The following LARP1 variants were observed in gnomAD, a reference collection of about 807,000 sequenced individuals.
LARP1 encodes the protein La ribonucleoprotein 1, translational regulator.
A neutral mutation model predicts 122.7 loss-of-function variants in LARP1; 36 were observed. The observed-to-expected ratio is 0.29, with a 90% CI of 0.22 to 0.39. The LOEUF (loss-of-function observed/expected upper bound fraction) is 0.39, where lower values mean the gene tolerates loss of function less well. Ranked by LOEUF, LARP1 falls within the 10% of genes least tolerant of loss-of-function variation. The pLI, the probability that LARP1 is intolerant of heterozygous loss-of-function variation, is 1.00. For missense variants in LARP1, 1,040 were observed against 1,403.6 expected (o/e 0.74, Z 4.14); for synonymous variants, 539 against 528.7 (o/e 1.02, Z -0.27).
At chr5:154,807,199 A>G (rs573161410) in intron 15 of LARP1, among the ~76,000 whole-genome samples, 4 of 152,198 alleles carry the variant, frequency 2.6e-5, no homozygotes, top group African/African-American at 7.2e-5. Flanking sequence ...ATCATATTCC[A>G]TCGTATGGAT....
intron 2 of LARP1, 64 bp downstream of exon 2, chr5:154,790,450 A>C (rs1757251847): frequency 2.7e-6 from 4 of 1,488,242 alleles, no homozygotes; most frequent in Non-Finnish European, 2.8e-6. Context: ...TTCCTGTTTT[A>C]GTGAATGCTC....
At chr5:154,784,817 TG>T (rs1010059884) in intron 1 of LARP1, among the ~76,000 whole-genome samples, 1 of 152,242 alleles carries the variant, frequency 6.6e-6, no homozygotes, top group African/African-American at 2.4e-5. Flanking sequence ...GGGTAGTTTT[TG>T]TTTCAAAGGT....
Position 154,803,348 on chromosome 5 carries a change from T to G in LARP1, c.2168T>G (p.Leu723Arg), listed in dbSNP as rs1351634557. The G allele has an allele frequency of 1.2e-6, 2 of 1,614,078 alleles. No individual in the cohort carries two copies. Among genetic ancestry groups the G allele is most frequent in the Non-Finnish European group, 8.5e-7 (1 of 1,180,048 alleles). ...NMISREQFDTLTPEPPVDPNQ... is the reference protein window; with the variant it reads ...NMISREQFDTRTPEPPVDPNQ... ...ATCAGCCGGGAGCAGTTTGACACAC[T>G]GACCCCTGAGCCCCCTGTGGATCCC... The change falls in exon 12 of 19, where the codon CTG becomes CGG. Residue 723 changes from leucine to arginine, a missense_variant. Physicochemically the swap from Leu to Arg is moderately radical, Grantham distance 102. Transcript: ENST00000518297. This position sits in a 1 kb window ranked among gnomAD's most constrained non-coding sequence, Gnocchi z 4.4.
chr5:154,816,262 CTCCTT>C lies in LARP1; in HGVS notation c.*2174_*2178del, dbSNP rs1455516835. 3.2e-4 allele frequency: 49 copies of C among 153,688 alleles called. No homozygotes were observed. The highest frequency in any genetic ancestry group is 5.8e-5 in the Non-Finnish European group (4 of 68,788). 9.5% of individuals were successfully genotyped at this position (153,688 alleles called of 1,614,324 possible). A position where few individuals can be genotyped will look rare whatever the true frequency, so the allele number is the denominator to read the frequency against. Reference sequence around the variant, plus strand: ...GGACACTGGATTCCTGGACCCCCTTCTCCTTTCCTTTCTTTCCTTCAGGTCACGCA... The same window carrying C: ...GGACACTGGATTCCTGGACCCCCTTCTCCTTTCTTTCCTTCAGGTCACGCA... On this transcript the variant is annotated 3_prime_UTR_variant, in exon 19 of 19. Coordinates refer to ENST00000518297, the MANE Select transcript of LARP1 (RefSeq NM_033551.3).
chr5:154,705,402 C>T (rs886676801), intron 1 of LARP1, among the ~76,000 whole-genome samples: 1 of 151,966 alleles, frequency 6.6e-6, no homozygotes, highest in African/African-American at 2.4e-5. Flanking sequence ...GATGGAGTCT[C>T]GCTCTGTCAC....
upstream of LARP1, among the ~76,000 whole-genome samples, chr5:154,712,036 C>G (rs1755245770): frequency 6.6e-6 from 1 of 152,180 alleles, no homozygotes; most frequent in Admixed American, 6.5e-5. Context: ...TCTAGATCCC[C>G]TCTCTCCAGA....
chr5:154,800,292 A>T (rs1163267696), intron 10 of LARP1, among the ~76,000 whole-genome samples: 1 of 152,184 alleles, frequency 6.6e-6, no homozygotes, highest in Non-Finnish European at 1.5e-5. Context: ...ATTTTTCTTA[A>T]GGGATCATGC....
chr5:154,801,168 CAT>C (rs1264473376), intron 10 of LARP1, among the ~76,000 whole-genome samples: 1 of 152,250 alleles, frequency 6.6e-6, no homozygotes, highest in Non-Finnish European at 1.5e-5. Context: ...CTCAGCGTCT[CAT>C]ATTCAGTCTA....
intron 1 of LARP1, among the ~76,000 whole-genome samples, chr5:154,774,476 G>A (rs1021322717): frequency 1.1e-4 from 17 of 152,184 alleles, no homozygotes; most frequent in Admixed American, 7.9e-4. Context: ...GCTCAAGATG[G>A]CATTTGCCAG....
chr5:154,770,035 T>G (rs909025066), intron 1 of LARP1, among the ~76,000 whole-genome samples: 1 of 152,110 alleles, frequency 6.6e-6, no homozygotes, highest in Non-Finnish European at 1.5e-5. Context: ...GGAGTCTGGA[T>G]CCTGTTCTGA....
intron 1 of LARP1, among the ~76,000 whole-genome samples, chr5:154,740,456 A>G (rs1276101366): frequency 6.6e-6 from 1 of 152,066 alleles, no homozygotes; most frequent in Non-Finnish European, 1.5e-5. Flanking sequence ...GGCAGTTAAC[A>G]GTAATCTACA....
chr5:154,767,318 GTTC>G (rs1755033746), intron 1 of LARP1, among the ~76,000 whole-genome samples: 1 of 152,198 alleles, frequency 6.6e-6, no homozygotes, highest in African/African-American at 2.4e-5. Flanking sequence ...AATGTTGAAT[GTTC>G]TTCTTTTGAG....
intron 8 of LARP1, among the ~76,000 whole-genome samples, chr5:154,797,276 C>T (rs1392911206): frequency 8.0e-6 from 1 of 124,738 alleles, no homozygotes; most frequent in African/African-American, 3.1e-5. Context: ...TCTTGTTGCC[C>T]AGGCTGGAGT....
At chr5:154,789,602 G>A (rs1757183675) in intron 1 of LARP1, among the ~76,000 whole-genome samples, 1 of 152,156 alleles carries the variant, frequency 6.6e-6, no homozygotes, top group African/African-American at 2.4e-5. Context: ...TCTAAAAATG[G>A]ATGAACTTTA....
chr5:154,795,467 T>G, intron 8 of LARP1, 148 bp downstream of exon 8: 2 of 699,684 alleles, frequency 2.9e-6, no homozygotes, highest in Non-Finnish European at 4.6e-6. Context: ...CTCCTCTCCC[T>G]CCTTCCTTCC....
chr5:154,686,130 C>T (rs1350032505), intron 1 of LARP1, among the ~76,000 whole-genome samples: 2 of 152,202 alleles, frequency 1.3e-5, no homozygotes, highest in Admixed American at 6.5e-5. Flanking sequence ...ACGGTTCCTG[C>T]ACCATAGCAG....
rs1011834306 is a variant in LARP1, at chr5:154,756,014, G to T, written c.257G>T (p.Gly86Val). 4.9e-6 allele frequency: 5 copies of T among 1,030,868 alleles called. No individual in the cohort carries two copies. The Admixed American group carries it at 1.8e-4, about 38-fold the overall frequency. 63.9% of individuals were successfully genotyped at this position (1,030,868 alleles called of 1,614,324 possible). A position where few individuals can be genotyped will look rare whatever the true frequency, so the allele number is the denominator to read the frequency against. The change falls in exon 1 of 19, where the codon GGC (glycine) becomes GTC (valine). Residue 86 changes from glycine to valine, a missense_variant. Gly to Val is a moderately radical substitution (Grantham distance 109). Around this residue, in one of 8 missense-constraint regions of LARP1, gnomAD observed 257 missense variants for 273.3 expected, o/e 0.94. Coordinates refer to ENST00000518297, the MANE Select transcript of LARP1 (RefSeq NM_033551.3). ...CCGCTGCAGCTGCCCGGCGCCGAAG[G>T]CCCGGCCATCAGCGACGGGGAGGAG... is the stretch of plus-strand genomic sequence containing the variant. Reference protein sequence around the residue: ...PRPLQLPGAEGPAISDGEEGG... With the variant: ...PRPLQLPGAEVPAISDGEEGG...
chr5:154,787,051 G>T (rs1254730308), intron 1 of LARP1, among the ~76,000 whole-genome samples: 1 of 152,060 alleles, frequency 6.6e-6, no homozygotes, highest in Non-Finnish European at 1.5e-5. Flanking sequence ...AGCTAATTTT[G>T]TAATTTTAGT....
At position 154,755,734 on chromosome 5, in the gene LARP1, T is replaced by A. The variant is rs1233114622; in HGVS notation, c.-24T>A. On this transcript the variant is annotated 5_prime_UTR_variant, in exon 1 of 19. Coordinates refer to ENST00000518297, the MANE Select transcript of LARP1 (RefSeq NM_033551.3). ...GGAGGCAGCCTCGGGCGCGCCCGGC[T>A]TCTCCGGGGGGGCGGGCGCGCAGAT... The A allele has an allele frequency of 7.1e-6, 7 of 987,140 alleles. No homozygotes were observed. The highest frequency in any genetic ancestry group is 8.4e-6 in the Non-Finnish European group (7 of 830,316). The allele number at this position is 987,140 out of a possible 1,614,324, so 61.1% of individuals were successfully genotyped here.
Sources: allele counts gnomAD v4.1 joint callset (sites outside exome capture counted in the v4.1 genomes callset), GRCh38; gene constraint gnomAD v4.1.1; regional missense constraint gnomAD v4.1.1; non-coding constraint Gnocchi (gnomAD v3.1); transcripts MANE v1.5; gene names NCBI Gene and HGNC (gene_info 2026-07-23, HGNC 2026-07-21).